PRKDC: variants seen among roughly 807,000 people sequenced by gnomAD.
PRKDC encodes protein kinase, DNA-activated, catalytic subunit.
Under a neutral mutation model 486.9 loss-of-function variants are expected in PRKDC, and 82 were observed. The ratio of observed to expected loss-of-function variants is 0.17; its 90% confidence interval spans 0.14 to 0.20. The LOEUF (loss-of-function observed/expected upper bound fraction) is 0.20, where lower values mean the gene tolerates loss of function less well. PRKDC is among the 10% of genes least tolerant of loss of function. The pLI is 1.00. For synonymous variants in PRKDC, 1,895 were observed against 1,837.0 expected, an observed-to-expected ratio of 1.03 and a Z score of -0.81; for missense variants, 4,504 against 5,038.2, an observed-to-expected ratio of 0.89 and a Z score of 3.21.
chr8:47,844,131 ATCTTC>A (rs1360602059), intron 54 of PRKDC, among the ~76,000 whole-genome samples: 2 of 152,266 alleles, frequency 1.3e-5, no homozygotes, highest in Admixed American at 1.3e-4. Flanking sequence ...AAACTCAACT[ATCTTC>A]TCTCTTCAAG....
intron 58 of PRKDC, among the ~76,000 whole-genome samples, chr8:47,834,686 C>CTTTT (rs1014285595): frequency 1.7e-4 from 16 of 96,760 alleles, no homozygotes; most frequent in African/African-American, 4.1e-4. Flanking sequence ...GAACCCCTGA[C>CTTTT]TTTTTTTTTT....
rs61385951 is a variant in PRKDC, at chr8:47,827,118, TCACACACACACACACACA to T, written c.8578-275_8578-258del. 2.6e-3 allele frequency among the ~76,000 whole-genome samples: 335 copies of T among 128,236 alleles called. 2 individuals are homozygous for T. Among genetic ancestry groups the T allele is most frequent in the East Asian group, 7.4e-3 (32 of 4,332 alleles). The allele number at this position is 128,236 out of a possible 152,430, so 84.1% of individuals were successfully genotyped here. On this transcript the variant is annotated intron_variant, in intron 62 of 85. Transcript: ENST00000314191. ...AAAAGCACCTATCAAAATATGAAGA[TCACACACACACACACACA>T]CACACACACACACACACACACACAC...
At chr8:47,831,464 C>T (rs970356612) in intron 60 of PRKDC, among the ~76,000 whole-genome samples, 2 of 152,166 alleles carry the variant, frequency 1.3e-5, no homozygotes, top group Non-Finnish European at 2.9e-5. Flanking sequence ...CTCGGGGCAC[C>T]GTGGGTCCCA....
intron 36 of PRKDC, among the ~76,000 whole-genome samples, chr8:47,883,983 A>G (rs529459272): frequency 6.6e-6 from 1 of 152,168 alleles, no homozygotes; most frequent in African/African-American, 2.4e-5. Flanking sequence ...CTGCATCTTT[A>G]TTTTCTCTTA....
intron 26 of PRKDC, among the ~76,000 whole-genome samples, chr8:47,903,329 A>T (rs934029162): frequency 2.0e-5 from 3 of 152,248 alleles, no homozygotes; most frequent in Non-Finnish European, 4.4e-5. Context: ...GACCACACAG[A>T]GATGTATTCT....
chr8:47,936,621 G>C, intron 11 of PRKDC, 104 bp from the exon 12 acceptor site: 1 of 1,370,720 alleles, frequency 7.3e-7, no homozygotes, highest in Non-Finnish European at 9.9e-7. Flanking sequence ...AGTTTAACAA[G>C]GCTTCTTTTT....
chr8:47,929,168 G>T lies in PRKDC; in HGVS notation c.2063C>A (p.Pro688Gln). 6.4e-7 allele frequency: 1 copy of T among 1,569,920 alleles called. No individual in the cohort carries two copies. The highest frequency in any genetic ancestry group is 1.8e-5 in the Admixed American group (1 of 54,118). ...KKIKYFEGVS[P>Q]KSLKHSPEDP... The stretch of plus-strand genomic sequence containing the variant: ...TTCAGGAGAGTGTTTCAGACTCTTT[G>T]GACTAACTCCCTGTCAAATAAAACA... Residue 688 changes from proline (P) to glutamine (Q), a missense_variant, in exon 19 of 86, where the codon CCA becomes CAA. Coordinates refer to ENST00000314191, the MANE Select transcript of PRKDC (RefSeq NM_006904.7).
chr8:47,902,734 T>C lies in PRKDC; in HGVS notation c.3104A>G (p.Glu1035Gly). 6.2e-7 allele frequency: 1 copy of C among 1,613,884 alleles called. No individual in the cohort carries two copies. The highest frequency in any genetic ancestry group is 8.5e-7 in the Non-Finnish European group (1 of 1,179,826). ...LRDFCGRCIR[E>G]FLKWSIKQIT... Reference sequence around the variant, plus strand: ...TTGCTTAATGGACCATTTAAGGAATTCTCGAATACACCGACCACAAAAATC... The same window carrying C: ...TTGCTTAATGGACCATTTAAGGAATCCTCGAATACACCGACCACAAAAATC... Residue 1035 changes from glutamate to glycine, a missense_variant, in exon 27 of 86, where the codon GAA becomes GGA. By Grantham distance (98) the Glu-to-Gly change is moderately conservative. Around this residue, in one of 6 missense-constraint regions of PRKDC, gnomAD observed 1,969 missense variants for 2,068.9 expected, o/e 0.95. Coordinates refer to ENST00000314191, the MANE Select transcript of PRKDC (RefSeq NM_006904.7).
At chr8:47,936,638 A>G in intron 11 of PRKDC, 121 bp from the exon 12 acceptor site, 1 of 1,147,944 alleles carries the variant, frequency 8.7e-7, no homozygotes, top group Non-Finnish European at 1.2e-6. Context: ...TTTTTTTTTG[A>G]GACGAAGTTT....
At position 47,935,744 on chromosome 8, in the gene PRKDC, T is replaced by A; in HGVS notation, c.1435A>T (p.Ile479Phe). 3 of 1,613,856 alleles carry A rather than the reference T, an allele frequency of 1.9e-6. No homozygotes were observed. The highest frequency in any genetic ancestry group is 2.5e-6 in the Non-Finnish European group (3 of 1,179,838). Residue 479 changes from isoleucine (I) to phenylalanine (F), a missense_variant, in exon 13 of 86, where the codon ATT becomes TTT. By Grantham distance (21) the Ile-to-Phe change is conservative (BLOSUM62 0). Transcript: ENST00000314191. The part of the protein sequence containing the change: ...AAKGPVLRNC[I>F]STVVHQGLIR... ...ATTGCAAACTTACCCACAGTACTAA[T>A]GCAATTCCTGAGAACTGGCCCTTTT...
chr8:47,946,135 G>A (rs1237939209), intron 7 of PRKDC, among the ~76,000 whole-genome samples: 6 of 152,040 alleles, frequency 3.9e-5, no homozygotes, highest in Admixed American at 3.3e-4. Flanking sequence ...TTTGAGACCA[G>A]CCTGGCCAAC....
chr8:47,825,735 AC>A (rs1455850801), intron 63 of PRKDC, among the ~76,000 whole-genome samples: 1 of 152,182 alleles, frequency 6.6e-6, no homozygotes, highest in Non-Finnish European at 1.5e-5. Context: ...CTGTTCACTT[AC>A]ACATCTGAAG....
chr8:47,952,153 G>A (rs2090635036), intron 7 of PRKDC, among the ~76,000 whole-genome samples: 1 of 152,170 alleles, frequency 6.6e-6, no homozygotes, highest in African/African-American at 2.4e-5. Context: ...ACTGCCAACA[G>A]ATTTCTGTAC....
intron 45 of PRKDC, 75 bp from the exon 46 acceptor site, chr8:47,859,834 T>A (rs1442493536): frequency 1.4e-6 from 2 of 1,387,138 alleles, no homozygotes; most frequent in Admixed American, 4.4e-5. Context: ...TAAATTCAAA[T>A]GATATGAAAA....
intron 3 of PRKDC, 109 bp downstream of exon 3, chr8:47,957,062 T>G: frequency 6.1e-6 from 4 of 654,726 alleles, no homozygotes; most frequent in Non-Finnish European, 9.5e-6. Context: ...AATTCCCCAA[T>G]GAGAAAGGAA....
rs1216306580 is a variant in PRKDC, at chr8:47,864,690, T to C, written c.5437A>G (p.Ser1813Gly). 2.5e-6 allele frequency: 4 copies of C among 1,607,680 alleles called. No homozygotes were observed. Among genetic ancestry groups the C allele is most frequent in the Non-Finnish European group, 3.4e-6 (4 of 1,177,054 alleles). The change falls in exon 41 of 86, where the codon AGT becomes GGT. Residue 1813 changes from serine (S) to glycine (G), a missense_variant. This residue lies in a region of PRKDC where 1,969 missense variants were observed against 2,068.9 expected (regional missense o/e 0.95). Transcript: ENST00000314191. ...TCCACAAAGGACTGGCGTGTGAAAC[T>C]TAGGCGGGGGTCATCCTTCCTGAAC... ...EMFRKDDPRL[S>G]FTRQSFVDRS... is the part of the protein sequence containing the mutation.
At chr8:47,856,222 G>A (rs535523696) in intron 49 of PRKDC, among the ~76,000 whole-genome samples, 4 of 151,864 alleles carry the variant, frequency 2.6e-5, no homozygotes, top group South Asian at 2.1e-4. Flanking sequence ...TTTTTGTGGT[G>A]GGGGGGTGGT....
At chr8:47,928,510 C>T (rs1457640724) in intron 19 of PRKDC, among the ~76,000 whole-genome samples, 21 of 151,828 alleles carry the variant, frequency 1.4e-4, no homozygotes, top group African/African-American at 3.6e-4. Context: ...ACCTTAGTCC[C>T]GCTCCAGATT....
chr8:47,848,653 GAA>G (rs200253108), intron 54 of PRKDC, among the ~76,000 whole-genome samples: 5 of 109,172 alleles, frequency 4.6e-5, no homozygotes, highest in East Asian at 2.5e-4. Context: ...TGAAAAAAAT[GAA>G]AAAAAAAAAA....
Sources: gnomAD v4.1 joint callset for allele counts (sites outside exome capture counted in the v4.1 genomes callset) on GRCh38, gnomAD v4.1.1 for gene constraint, gnomAD v4.1.1 regional missense constraint, MANE v1.5 for transcripts, NCBI Gene and HGNC (gene_info 2026-07-23, HGNC 2026-07-21) for gene names.